The following PLXNA1 variants were observed in gnomAD, a reference collection of about 807,000 sequenced individuals.
PLXNA1 encodes the protein plexin-A1.
Under a neutral mutation model 191.7 loss-of-function variants are expected in PLXNA1, and 77 were observed. That is an observed-to-expected ratio of 0.40 (90% confidence interval 0.33 to 0.49). The LOEUF is 0.49. Ranked by LOEUF, PLXNA1 falls within the 20% of genes least tolerant of loss-of-function variation. The pLI is 0.63. For synonymous variants in PLXNA1, 1,137 were observed against 1,156.4 expected, an observed-to-expected ratio of 0.98 and a Z score of 0.34; for missense variants, 2,110 against 2,660.2, an observed-to-expected ratio of 0.79 and a Z score of 4.55.
chr3:127,014,083 A>G lies in PLXNA1; in HGVS notation c.2377A>G (p.Asn793Asp). 2.5e-6 allele frequency: 4 copies of G among 1,613,984 alleles called. 1 individual carries two copies. In the South Asian group the frequency reaches 4.4e-5, roughly 18 times the overall value. The stretch of plus-strand genomic sequence containing the variant: ...GAACCTGTCAGTCGTGTGGAACGGC[A>G]ACTTTGTCATTGACAACCCACAGAA... ...PVNLSVVWNG[N>D]FVIDNPQNIQ... The change falls in exon 11 of 32, where the codon AAC becomes GAC. Residue 793 changes from asparagine (N) to aspartate (D), a missense_variant. Coordinates refer to ENST00000393409, the MANE Select transcript of PLXNA1 (RefSeq NM_032242.4).
At chr3:126,983,694 G>A (rs1028346429) in intron 1 of PLXNA1, among the ~76,000 whole-genome samples, 1 of 151,354 alleles carries the variant, frequency 6.6e-6, no homozygotes, top group Non-Finnish European at 1.5e-5. Context: ...CGGAGGCTGG[G>A]GAGAAAGTTT....
chr3:127,030,284 CT>C lies in PLXNA1; in HGVS notation c.5105del (p.Phe1702SerfsTer50). ...TTGTGGACGACCTGTTTGAGACCAT[CT>C]TCAGCACGGCACACCGGGGCTCAGC... ...KFVDDLFETIFSTAHRGSALP... is the reference protein window; with the variant it reads ...KFVDDLFETIXSTAHRGSALP... On this transcript the variant is annotated frameshift_variant, in exon 29 of 32. Coordinates refer to ENST00000393409, the MANE Select transcript of PLXNA1 (RefSeq NM_032242.4). LOFTEE classifies it high-confidence loss of function. 2 of 1,613,924 alleles carry C rather than the reference CT, an allele frequency of 1.2e-6. No homozygotes were observed. The highest frequency in any genetic ancestry group is 1.7e-6 in the Non-Finnish European group (2 of 1,180,014).
chr3:127,027,653 C>T (rs754804733), intron 23 of PLXNA1: 25 of 566,678 alleles, frequency 4.4e-5, no homozygotes, highest in South Asian at 2.9e-4. Context: ...ATGCAGGTCC[C>T]GCGTGCCACG....
chr3:127,032,226 G>A (rs2079215013), intron 29 of PLXNA1, among the ~76,000 whole-genome samples, 161 bp from the exon 30 acceptor site: 1 of 152,200 alleles, frequency 6.6e-6, no homozygotes, highest in African/African-American at 2.4e-5. Context: ...GGCAGGGGAC[G>A]GCCTTCACTT....
rs776775724 is a variant in PLXNA1, at chr3:127,016,506, G to A, written c.3015-11G>A. 5 of 1,613,062 alleles carry A rather than the reference G, an allele frequency of 3.1e-6. No homozygotes were observed. Among genetic ancestry groups the A allele is most frequent in the Non-Finnish European group, 4.2e-6 (5 of 1,179,776 alleles). On this transcript the variant is annotated splice_polypyrimidine_tract_variant and intron_variant, in intron 15 of 31. Transcript: ENST00000393409. Reference sequence around the variant, plus strand: ...CGTGTGCTCCTCACTGTCCCACTCGGGCACCTCCAGGAGGAACTCCCGTGA... The same window carrying A: ...CGTGTGCTCCTCACTGTCCCACTCGAGCACCTCCAGGAGGAACTCCCGTGA...
chr3:127,014,983 G>C, intron 14 of PLXNA1, 152 bp downstream of exon 14: 2 of 1,398,042 alleles, frequency 1.4e-6, no homozygotes, highest in Non-Finnish European at 1.9e-6. Context: ...CCTGTGCCTA[G>C]GCCAGCTCCA....
rs73196542 is a variant in PLXNA1, at chr3:127,007,368, A to G, written c.1998-431A>G. On this transcript the variant is annotated intron_variant, in intron 8 of 31. Transcript: ENST00000393409. ...GGAGGTGATGTGCATGGCCCTGTCC[A>G]GTTCTGTGGCAGCACGTGCTGCTTC... Among the ~76,000 whole-genome samples, 1,031 of 152,344 alleles carry G rather than the reference A, an allele frequency of 6.8e-3. 7 individuals are homozygous for G. Among genetic ancestry groups the G allele is most frequent in the Non-Finnish European group, 0.011 (759 of 68,030 alleles).
At chr3:127,010,282 G>C (rs1040342646) in intron 9 of PLXNA1, among the ~76,000 whole-genome samples, 1 of 152,164 alleles carries the variant, frequency 6.6e-6, no homozygotes, top group Non-Finnish European at 1.5e-5. Context: ...AGAGCCTTTG[G>C]GGACAACTGG....
intron 2 of PLXNA1, 116 bp from the exon 3 acceptor site, chr3:126,991,268 G>C: frequency 8.8e-7 from 1 of 1,142,750 alleles, no homozygotes; most frequent in Non-Finnish European, 1.2e-6. Context: ...CTCTCCTCTG[G>C]GGGCTACCCC....
At chr3:126,991,622 G>T in intron 3 of PLXNA1, 56 bp downstream of exon 3, 1 of 1,492,058 alleles carries the variant, frequency 6.7e-7, no homozygotes, top group South Asian at 1.3e-5. Flanking sequence ...ACAAAGGCTT[G>T]CGGCCGTCCC....
At chr3:127,011,451 A>T (rs888175540) in intron 9 of PLXNA1, among the ~76,000 whole-genome samples, 1 of 152,134 alleles carries the variant, frequency 6.6e-6, no homozygotes, top group Non-Finnish European at 1.5e-5. Context: ...CAGCATCCCT[A>T]TTTAAAGCCC....
At chr3:126,997,487 A>T (rs1471040541) in intron 3 of PLXNA1, among the ~76,000 whole-genome samples, 1 of 152,090 alleles carries the variant, frequency 6.6e-6, no homozygotes, top group African/African-American at 2.4e-5. Context: ...GGGCAGAGCC[A>T]GCTGCCTGTC....
chr3:126,990,800 C>G (rs992559702), intron 2 of PLXNA1, among the ~76,000 whole-genome samples: 1 of 152,198 alleles, frequency 6.6e-6, no homozygotes, highest in Non-Finnish European at 1.5e-5. Context: ...TTTCAAGGAA[C>G]GTGTTTTCTC....
chr3:127,029,456 CG>C lies in PLXNA1; in HGVS notation c.4792del (p.Val1598TrpfsTer45), dbSNP rs2079194741. 1 of 1,613,712 alleles carries C rather than the reference CG, an allele frequency of 6.2e-7. No homozygotes were observed. The highest frequency in any genetic ancestry group is 1.7e-5 in the Admixed American group (1 of 60,008). On this transcript the variant is annotated frameshift_variant, in exon 27 of 32. Coordinates refer to ENST00000393409, the MANE Select transcript of PLXNA1 (RefSeq NM_032242.4). LOFTEE classifies it high-confidence loss of function. Reference protein sequence around the residue: ...LAHYQVTDGSSVALVPKQTSA... With the variant: ...LAHYQVTDGSXVALVPKQTSA... ...TGCCCACAGGTGACAGACGGGTCCT[CG>C]GTGGCACTGGTGCCCAAGCAGACGT... is the stretch of plus-strand genomic sequence containing the variant.
chr3:127,028,554 T>C (rs1299766632), intron 25 of PLXNA1, among the ~76,000 whole-genome samples: 1 of 151,982 alleles, frequency 6.6e-6, no homozygotes, highest in Non-Finnish European at 1.5e-5. Flanking sequence ...GGTGGTGGGT[T>C]CCAGTGCACT....
At chr3:127,020,456 G>A in intron 21 of PLXNA1, 112 bp downstream of exon 21, 2 of 1,347,080 alleles carry the variant, frequency 1.5e-6, no homozygotes, top group South Asian at 1.4e-5. Flanking sequence ...TGTGGCCTGG[G>A]GGAGGGTCCA....
chr3:127,019,264 T>C (rs2079140999), intron 20 of PLXNA1, among the ~76,000 whole-genome samples: 1 of 151,536 alleles, frequency 6.6e-6, no homozygotes, highest in Admixed American at 6.6e-5. Context: ...TGGGGTGTTT[T>C]GTTTGCACAG....
chr3:126,990,530 C>T lies in PLXNA1; in HGVS notation c.1194+743C>T, dbSNP rs556550857. Among the ~76,000 whole-genome samples the T allele has an allele frequency of 1.3e-4, 20 of 152,340 alleles. No homozygotes were observed. The East Asian group carries it at 3.9e-3, about 29-fold the overall frequency. ...TTGCTTAGGGTGGAAAGTGAAGGGGCTGGGACTCGGCCCAGACCTGGGACC... is the reference window on the plus strand; with the variant it reads ...TTGCTTAGGGTGGAAAGTGAAGGGGTTGGGACTCGGCCCAGACCTGGGACC... On this transcript the variant is annotated intron_variant, in intron 2 of 31. Transcript: ENST00000393409.
intron 23 of PLXNA1, among the ~76,000 whole-genome samples, chr3:127,026,180 C>A (rs1261609402): frequency 6.6e-6 from 1 of 152,240 alleles, no homozygotes; most frequent in Non-Finnish European, 1.5e-5. Flanking sequence ...GGGCCTTCCT[C>A]TTCCCTGGCC....
Sources: allele counts gnomAD v4.1 joint callset (sites outside exome capture counted in the v4.1 genomes callset), GRCh38; gene constraint gnomAD v4.1.1; transcripts MANE v1.5; gene names NCBI Gene and HGNC (gene_info 2026-07-23, HGNC 2026-07-21).